The following SPAST variants were observed in gnomAD, a reference collection of about 807,000 sequenced individuals.
SPAST encodes spastin, also known as spastic paraplegia 4 (autosomal dominant; spastin).
Under a neutral mutation model 76.6 loss-of-function variants are expected in SPAST, and 30 were observed. The observed-to-expected ratio is 0.39, with a 90% CI of 0.29 to 0.53. The LOEUF is 0.53. SPAST is among the 20% of genes least tolerant of loss of function. The probability of loss-of-function intolerance (pLI) is 0.68; values close to 1 mark genes in which losing one functional copy is unlikely to be tolerated. For missense variants in SPAST, 717 were observed against 770.5 expected (o/e 0.93, Z 0.82); for synonymous variants, 305 against 281.0 (o/e 1.09, Z -0.86).
At chr2:32,085,238 G>GCT (rs149433229) in intron 1 of SPAST, among the ~76,000 whole-genome samples, 1,331 of 85,854 alleles carry the variant, frequency 0.016, 29 homozygotes, top group African/African-American at 0.054. Flanking sequence ...TCAGGGTCTT[G>GCT]CTCTTTTGCT....
At chr2:32,082,005 C>CTTTTT (rs35493322) in intron 1 of SPAST, among the ~76,000 whole-genome samples, 41 of 71,242 alleles carry the variant, frequency 5.8e-4, no homozygotes, top group Non-Finnish European at 7.8e-4. Flanking sequence ...AGTTCTCTCT[C>CTTTTT]TTTTTTTTTT....
At chr2:32,152,826 CA>C (rs1332501105) in intron 16 of SPAST, among the ~76,000 whole-genome samples, 2 of 151,842 alleles carry the variant, frequency 1.3e-5, no homozygotes, top group East Asian at 3.9e-4. Context: ...TGGCTCACTG[CA>C]GCCTCAACCT....
At chr2:32,067,993 T>TA (rs1256565148) in intron 1 of SPAST, among the ~76,000 whole-genome samples, 1 of 151,468 alleles carries the variant, frequency 6.6e-6, no homozygotes, top group Non-Finnish European at 1.5e-5. Context: ...TTTTTTTTTT[T>TA]TTTGAGACAG....
intron 9 of SPAST, among the ~76,000 whole-genome samples, chr2:32,134,217 G>T (rs528107502): frequency 6.6e-6 from 1 of 151,850 alleles, no homozygotes; most frequent in East Asian, 1.9e-4. Flanking sequence ...AAAAAATTCT[G>T]GGGGGCCGAA....
intron 3 of SPAST, among the ~76,000 whole-genome samples, chr2:32,097,029 A>G (rs146480653): frequency 6.6e-6 from 1 of 152,340 alleles, no homozygotes; most frequent in African/African-American, 2.4e-5. Flanking sequence ...CAAGCATGGT[A>G]CCTGTTTGTC....
chr2:32,097,395 C>A (rs531238972), intron 3 of SPAST, among the ~76,000 whole-genome samples: 1 of 152,124 alleles, frequency 6.6e-6, no homozygotes, highest in African/African-American at 2.4e-5. Flanking sequence ...CCATTCTATG[C>A]CCTGGCTACC....
At chr2:32,102,832 G>A (rs185436171) in intron 4 of SPAST, among the ~76,000 whole-genome samples, 20 of 152,296 alleles carry the variant, frequency 1.3e-4, no homozygotes, top group African/African-American at 3.6e-4. Flanking sequence ...ACTTGATTGC[G>A]TTGGATAAGC....
intron 7 of SPAST, among the ~76,000 whole-genome samples, chr2:32,124,358 CACTG>C (rs1407809630): frequency 6.6e-6 from 1 of 152,116 alleles, no homozygotes; most frequent in East Asian, 1.9e-4. Context: ...AAATCTAAAA[CACTG>C]ACAACACCAA....
rs2148762413 is a variant in SPAST at position 32,146,841 on chromosome 2, G to A, written c.1688-377G>A. On this transcript the variant is annotated intron_variant, in intron 15 of 16. Transcript: ENST00000315285. ...CACTGCAGCCTGGGCAACAGAGCAAGACTCTGTCTCAAAAAAAAAAAAAAA... is the reference window on the plus strand; with the variant it reads ...CACTGCAGCCTGGGCAACAGAGCAAAACTCTGTCTCAAAAAAAAAAAAAAA... Among the ~76,000 whole-genome samples the A allele has an allele frequency of 5.3e-5, 5 of 93,540 alleles. 1 individual carries two copies. The Admixed American group carries it at 9.0e-4, about 17-fold the overall frequency. The allele number at this position is 93,540 out of a possible 152,430, so 61.4% of individuals were successfully genotyped here.
rs980183527 is a variant in SPAST at position 32,108,652 on chromosome 2, T to C, written c.683-5986T>C. Among the ~76,000 whole-genome samples, 5 of 152,082 alleles carry C rather than the reference T, an allele frequency of 3.3e-5. No homozygotes were observed. The East Asian group carries it at 5.8e-4, about 18-fold the overall frequency. On this transcript the variant is annotated intron_variant, in intron 4 of 16. Transcript: ENST00000315285. ...TTTTTGTAGAGATGGGGTTTCCCCATGTTGGCCAGTCTGGTCTCAAACTCC... is the reference window on the plus strand; with the variant it reads ...TTTTTGTAGAGATGGGGTTTCCCCACGTTGGCCAGTCTGGTCTCAAACTCC...
intron 1 of SPAST, among the ~76,000 whole-genome samples, chr2:32,069,215 A>C (rs1204096585): frequency 1.3e-5 from 1 of 77,344 alleles, no homozygotes; most frequent in African/African-American, 3.7e-5. Flanking sequence ...TCCATCTCTC[A>C]AAAAAAAAAA....
chr2:32,139,870 G>C (rs1328472616), intron 12 of SPAST, among the ~76,000 whole-genome samples: 1 of 151,430 alleles, frequency 6.6e-6, no homozygotes, highest in Non-Finnish European at 1.5e-5. Context: ...AAAGACAATG[G>C]AGTACCTAGG....
chr2:32,091,677 A>T (rs930256284), intron 3 of SPAST, among the ~76,000 whole-genome samples: 3 of 151,752 alleles, frequency 2.0e-5, no homozygotes, highest in Admixed American at 2.0e-4. Context: ...GTAAAAAAAT[A>T]CAAAAAACTA....
chr2:32,073,175 A>G (rs911867705), intron 1 of SPAST, among the ~76,000 whole-genome samples: 1 of 152,198 alleles, frequency 6.6e-6, no homozygotes, highest in Non-Finnish European at 1.5e-5. Context: ...ACAATTAAGG[A>G]TAGTTAGTAA....
intron 16 of SPAST, among the ~76,000 whole-genome samples, chr2:32,148,896 C>CT (rs1460390790): frequency 6.7e-6 from 1 of 149,882 alleles, no homozygotes; most frequent in Non-Finnish European, 1.5e-5. Flanking sequence ...ATCACTTGAA[C>CT]TTGGGAGGCA....
intron 15 of SPAST, 36 bp from the exon 16 acceptor site, chr2:32,147,182 A>G: frequency 1.3e-6 from 2 of 1,516,324 alleles, no homozygotes; most frequent in Non-Finnish European, 1.8e-6. Flanking sequence ...TGCAAAATGT[A>G]TGTATTTTTA....
chr2:32,114,811 C>T lies in SPAST; in HGVS notation c.856C>T (p.Pro286Ser), dbSNP rs750360074. The change falls in exon 5 of 17, where the codon CCT becomes TCT. Residue 286 changes from proline (P) to serine (S), a missense_variant. Pro to Ser is a moderately conservative substitution (Grantham distance 74, BLOSUM62 -1). This residue lies in a region of SPAST where 543 missense variants were observed against 445.2 expected (regional missense o/e 1.22). Transcript: ENST00000315285. ...SGVKQGSGPA[P>S]TTHKGTPKTN... ...AGTGAAACAGGGATCTGGTCCTGCT[C>T]CTACCACTCATAAGGTATTCTGGGA... 2.5e-6 allele frequency: 4 copies of T among 1,613,878 alleles called. No individual in the cohort carries two copies. The highest frequency in any genetic ancestry group is 2.5e-6 in the Non-Finnish European group (3 of 1,179,798).
Position 32,136,911 on chromosome 2 carries a change from A to T in SPAST, c.1356A>T (p.Glu452Asp). The change falls in exon 11 of 17, where the codon GAA becomes GAT. Residue 452 changes from glutamate (E) to aspartate (D), a missense_variant. This residue lies in a region of SPAST where 78 missense variants were observed against 197.6 expected (regional missense o/e 0.39). Coordinates refer to ENST00000315285, the MANE Select transcript of SPAST (RefSeq NM_014946.4). Reference protein sequence around the residue: ...EVDSLLCERREGEHDASRRLK... With the variant: ...EVDSLLCERRDGEHDASRRLK... Reference sequence around the variant, plus strand: ...ATAGCCTTTTGTGTGAAAGAAGAGAAGGGGAGCACGATGCTAGTAGACGCC... The same window carrying T: ...ATAGCCTTTTGTGTGAAAGAAGAGATGGGGAGCACGATGCTAGTAGACGCC... The T allele has an allele frequency of 1.2e-6, 2 of 1,613,888 alleles. No individual in the cohort carries two copies. Among genetic ancestry groups the T allele is most frequent in the Non-Finnish European group, 1.7e-6 (2 of 1,179,818 alleles).
chr2:32,112,012 G>GT (rs1553314286), intron 4 of SPAST, among the ~76,000 whole-genome samples: 11 of 94,680 alleles, frequency 1.2e-4, no homozygotes, highest in East Asian at 5.4e-4. Flanking sequence ...AGTAGTAGTA[G>GT]TTTTTTTTTT....
Sources: gnomAD v4.1 joint callset for allele counts (sites outside exome capture counted in the v4.1 genomes callset) on GRCh38, gnomAD v4.1.1 for gene constraint, gnomAD v4.1.1 regional missense constraint, MANE v1.5 for transcripts, NCBI Gene and HGNC (gene_info 2026-07-23, HGNC 2026-07-21) for gene names.